The following SP7 variants were observed in gnomAD, a reference collection of about 807,000 sequenced individuals.
SP7 encodes the protein Sp7 transcription factor.
In SP7, 13 loss-of-function variants were observed where a neutral mutation model predicts 27.9. The observed-to-expected ratio is 0.47, with a 90% CI of 0.30 to 0.74. The LOEUF (loss-of-function observed/expected upper bound fraction) is 0.74, where lower values mean the gene tolerates loss of function less well. SP7 is among the 30% of genes least tolerant of loss of function. SP7 has a pLI of 0.06. For missense variants in SP7, 525 were observed against 558.0 expected (o/e 0.94, Z 0.60); for synonymous variants, 219 against 226.7 (o/e 0.97, Z 0.31).
In SP7 at chr12:53,328,764, T is replaced by G; in HGVS notation, c.678A>C (p.Gln226His). ...CCACTGCCTTGGGTTTATAGACATC[T>G]TGGGGCAAGACATGCTGGGGCCCTG... ...LQPGPQHVLP[Q>H]DVYKPKAVGN... The change falls in exon 3 of 3, where the codon CAA becomes CAC. Residue 226 changes from glutamine (Q) to histidine (H), a missense_variant. Physicochemically the swap from Gln to His is conservative, Grantham distance 24 (BLOSUM62 0). Coordinates refer to ENST00000536324, the MANE Select transcript of SP7 (RefSeq NM_001173467.3). This position sits in a 1 kb window ranked among gnomAD's most constrained non-coding sequence, Gnocchi z 5.1. The G allele has an allele frequency of 6.2e-7, 1 of 1,603,652 alleles. No individual in the cohort carries two copies. The highest frequency in any genetic ancestry group is 1.1e-5 in the South Asian group (1 of 90,398).
upstream of SP7, among the ~76,000 whole-genome samples, chr12:53,338,786 C>T (rs1460088858): frequency 1.3e-5 from 2 of 152,188 alleles, no homozygotes; most frequent in Non-Finnish European, 2.9e-5. Context: ...GAGCCTCTTC[C>T]CCACCAGAGA....
In SP7 at chr12:53,329,066, A is replaced by G; in HGVS notation, c.376T>C (p.Tyr126His). The G allele has an allele frequency of 6.2e-7, 1 of 1,613,858 alleles. No homozygotes were observed. Among genetic ancestry groups the G allele is most frequent in the South Asian group, 1.1e-5 (1 of 91,086 alleles). The change falls in exon 3 of 3, where the codon TAC (tyrosine) becomes CAC (histidine). Residue 126 changes from tyrosine (Y) to histidine (H), a missense_variant. Transcript: ENST00000536324. ...GGGTGTGTCATGTCCAGAGAGGTGT[A>G]GACACTGGGCAGACAGTCAGAAGAG... is the stretch of plus-strand genomic sequence containing the variant. ...HSSSDCLPSVYTSLDMTHPYG... is the reference protein window; with the variant it reads ...HSSSDCLPSVHTSLDMTHPYG...
chr12:53,339,012 C>T (rs1944799612), upstream of SP7, among the ~76,000 whole-genome samples: 1 of 152,180 alleles, frequency 6.6e-6, no homozygotes, highest in Admixed American at 6.5e-5. Flanking sequence ...TACCTCCACC[C>T]TCTCAGGCCT....
At chr12:53,337,200 G>A (rs1305734530), upstream of SP7, among the ~76,000 whole-genome samples, 1 of 152,168 alleles carries the variant, frequency 6.6e-6, no homozygotes, top group African/African-American at 2.4e-5. Context: ...TCCATCCTTT[G>A]GTGGACAGTT....
At chr12:53,335,015 G>T (rs1944750430) in intron 2 of SP7, among the ~76,000 whole-genome samples, 1 of 152,068 alleles carries the variant, frequency 6.6e-6, no homozygotes, top group Non-Finnish European at 1.5e-5. Flanking sequence ...TCCCTCACAG[G>T]CCTGGGCTCA....
At chr12:53,341,343 C>CA (rs1409492433), upstream of SP7, among the ~76,000 whole-genome samples, 2 of 152,034 alleles carry the variant, frequency 1.3e-5, 1 homozygote, top group African/African-American at 4.8e-5. Context: ...ACAGAAGTGC[C>CA]ATGGAAGGAG....
chr12:53,334,841 C>T (rs145603737), intron 2 of SP7, among the ~76,000 whole-genome samples: 4 of 152,382 alleles, frequency 2.6e-5, no homozygotes, highest in African/African-American at 9.6e-5. Flanking sequence ...CCTTTGTCCC[C>T]AGCACCAGAG....
chr12:53,331,259 C>T (rs188547624), intron 2 of SP7, among the ~76,000 whole-genome samples: 2 of 152,192 alleles, frequency 1.3e-5, no homozygotes, highest in Admixed American at 1.3e-4. Flanking sequence ...ATCACTAGAT[C>T]AGGAGTTCAA....
At position 53,329,011 on chromosome 12, in the gene SP7, T is replaced by C; in HGVS notation, c.431A>G (p.His144Arg). 2 of 1,613,662 alleles carry C rather than the reference T, an allele frequency of 1.2e-6. No individual in the cohort carries two copies. The highest frequency in any genetic ancestry group is 1.7e-6 in the Non-Finnish European group (2 of 1,179,744). ...PYGSWYKAGI[H>R]AGISPGPGNT... ...GCCTGGGCCTGGTGAAATGCCTGCA[T>C]GGATGCCTGCCTTGTACCAGGAGCC... The change falls in exon 3 of 3, where the codon CAT becomes CGT. Residue 144 changes from histidine to arginine, a missense_variant. Physicochemically the swap from His to Arg is conservative, Grantham distance 29. Coordinates refer to ENST00000536324, the MANE Select transcript of SP7 (RefSeq NM_001173467.3).
intron 2 of SP7, among the ~76,000 whole-genome samples, chr12:53,333,746 C>T (rs1944733459): frequency 2.9e-5 from 1 of 34,392 alleles, no homozygotes; most frequent in Admixed American, 3.6e-4. Context: ...TGCCAGAGAG[C>T]CCACCCATAC....
At position 53,344,348 on chromosome 12, in the gene SP7, T is replaced by A. The variant is rs1944845387; in HGVS notation, c.-34+766A>T. On this transcript the variant is annotated intron_variant, in intron 1 of 1. Coordinates refer to the SP7 transcript ENST00000547755. The surrounding 1 kb of genome is among the most constrained non-coding windows in gnomAD (Gnocchi z 4.6). ...CCCCCGCCTCTGCCCTCTGCCCCAA[T>A]CCCTCCTGAACTATTTCCTTTCCCC... Among the ~76,000 whole-genome samples the A allele has an allele frequency of 6.6e-6, 1 of 151,692 alleles. No homozygotes were observed. The highest frequency in any genetic ancestry group is 6.6e-5 in the Admixed American group (1 of 15,232).
intron 1 of SP7, among the ~76,000 whole-genome samples, chr12:53,341,430 A>G (rs542244410): frequency 6.6e-5 from 10 of 152,256 alleles, no homozygotes; most frequent in Non-Finnish European, 1.2e-4. Context: ...TTCTGAAACA[A>G]GGGGACCTGT....
upstream of SP7, among the ~76,000 whole-genome samples, chr12:53,336,794 T>C (rs1944776946): frequency 6.6e-6 from 1 of 151,928 alleles, no homozygotes; most frequent in Non-Finnish European, 1.5e-5. Flanking sequence ...CATGGAAGGT[T>C]CTGAGGTGGA....
At chr12:53,335,838 T>G in intron 1 of SP7, 145 bp from the exon 2 acceptor site, 38 of 1,397,086 alleles carry the variant, frequency 2.7e-5, no homozygotes, top group East Asian at 1.3e-4. Context: ...AATTACAGCT[T>G]TCCCAGCGGA....
At chr12:53,333,343 AC>A (rs1944728005) in intron 2 of SP7, among the ~76,000 whole-genome samples, 2 of 152,076 alleles carry the variant, frequency 1.3e-5, no homozygotes, top group Admixed American at 1.3e-4. Context: ...CACCCTTAAA[AC>A]AAAACAAAAC....
intron 2 of SP7, among the ~76,000 whole-genome samples, chr12:53,333,436 A>T (rs893926024): frequency 2.0e-5 from 3 of 152,042 alleles, no homozygotes; most frequent in African/African-American, 7.2e-5. Flanking sequence ...TCCCACCCAG[A>T]TGTGGAGCAG....
upstream of SP7, among the ~76,000 whole-genome samples, chr12:53,337,587 G>T (rs1410800690): frequency 6.6e-6 from 1 of 152,106 alleles, no homozygotes; most frequent in Admixed American, 6.6e-5. Flanking sequence ...TCCTCACTCT[G>T]CAACACCATC....
At chr12:53,339,742 AAAG>A (rs1944806359), upstream of SP7, among the ~76,000 whole-genome samples, 1 of 145,640 alleles carries the variant, frequency 6.9e-6, no homozygotes, top group Admixed American at 6.8e-5. Flanking sequence ...AAAAAAAAAG[AAAG>A]AAAAAAAAAA....
Position 53,329,454 on chromosome 12 carries a change from G to C in SP7, c.22-34C>G, listed in dbSNP as rs565184327. The C allele has an allele frequency of 6.3e-6, 10 of 1,591,696 alleles. No individual in the cohort carries two copies. The African/African-American group carries it at 1.1e-4, about 17-fold the overall frequency. ...AGAGGGACGCACTGCTTAGGGAGAG[G>C]GGAGGAGAGGTACAAAATGAAGGGC... is the stretch of plus-strand genomic sequence containing the variant. On this transcript the variant is annotated intron_variant, in intron 2 of 2. Transcript: ENST00000536324.
Sources: gnomAD v4.1 joint callset for allele counts (sites outside exome capture counted in the v4.1 genomes callset) on GRCh38, gnomAD v4.1.1 for gene constraint, Gnocchi (gnomAD v3.1) non-coding constraint, MANE v1.5 for transcripts, NCBI Gene and HGNC (gene_info 2026-07-23, HGNC 2026-07-21) for gene names.